SBF1: variants seen among roughly 807,000 people sequenced by gnomAD.
SBF1 encodes SET binding factor 1, also known as myotubularin-related protein 5.
A neutral mutation model predicts 215.8 loss-of-function variants in SBF1; 65 were observed. The observed-to-expected ratio is 0.30, with a 90% CI of 0.25 to 0.37. The LOEUF (loss-of-function observed/expected upper bound fraction) is 0.37, where lower values mean the gene tolerates loss of function less well. SBF1 is among the 10% of genes least tolerant of loss of function. The pLI is 1.00. For missense variants in SBF1, 2,634 were observed against 2,667.8 expected (o/e 0.99, Z 0.28); for synonymous variants, 1,410 against 1,122.8 (o/e 1.26, Z -5.11).
chr22:50,455,364 G>A lies in SBF1; in HGVS notation c.4414C>T (p.Leu1472=), dbSNP rs1479719064. The change falls in exon 33 of 41, where the codon CTG becomes TTG. Residue 1472 remains leucine, a synonymous_variant. Coordinates refer to ENST00000380817, the MANE Select transcript of SBF1 (RefSeq NM_002972.4). ...QLLSDPFYRT[L]EGFRLLVEKE... is the part of the protein sequence containing the mutation. ...TCCACCAGCAGGCGAAAGCCCTCCA[G>A]CGTGCGGTAGAAGGGGTCTGAGAGC... The A allele has an allele frequency of 3.1e-6, 5 of 1,613,442 alleles. No individual in the cohort carries two copies. The highest frequency in any genetic ancestry group is 4.2e-6 in the Non-Finnish European group (5 of 1,179,912).
intron 38 of SBF1, 91 bp from the exon 39 acceptor site, chr22:50,447,700 C>T: frequency 1.1e-6 from 1 of 949,664 alleles, no homozygotes; most frequent in Non-Finnish European, 1.6e-6. Flanking sequence ...CTGTCCCAGC[C>T]CAGGAGGTAA....
chr22:50,458,627 C>T (rs952007575), intron 28 of SBF1, among the ~76,000 whole-genome samples: 2 of 152,228 alleles, frequency 1.3e-5, no homozygotes, highest in African/African-American at 2.4e-5. Context: ...ACAGGTGGTC[C>T]GGACACAGGA....
rs1404048144 is a variant in SBF1, at chr22:50,462,115, C to T, written c.2401G>A (p.Ala801Thr). Residue 801 changes from alanine to threonine, a missense_variant, in exon 20 of 41, where the codon GCT becomes ACT. Coordinates refer to ENST00000380817, the MANE Select transcript of SBF1 (RefSeq NM_002972.4). ...ASNSLVTNSM[A>T]GSVAESYDTE... Reference sequence around the variant, plus strand: ...TCATAGCTCTCGGCCACACTGCCAGCCATGCTGGGCCAGAGAAGAAACTGT... The same window carrying T: ...TCATAGCTCTCGGCCACACTGCCAGTCATGCTGGGCCAGAGAAGAAACTGT... 6 of 1,613,044 alleles carry T rather than the reference C, an allele frequency of 3.7e-6. No individual in the cohort carries two copies. The highest frequency in any genetic ancestry group is 5.1e-6 in the Non-Finnish European group (6 of 1,180,034).
chr22:50,449,625 AACACACAC>A (rs59541336), intron 36 of SBF1, among the ~76,000 whole-genome samples: 113 of 146,960 alleles, frequency 7.7e-4, no homozygotes, highest in African/African-American at 2.4e-3. Context: ...AAAACACACA[AACACACAC>A]ACACACACAC....
At chr22:50,470,226 G>C (rs1396682366) in intron 1 of SBF1, among the ~76,000 whole-genome samples, 1 of 151,316 alleles carries the variant, frequency 6.6e-6, no homozygotes, top group Non-Finnish European at 1.5e-5. Flanking sequence ...CCCAGTTCTT[G>C]CCACGAGGCA....
intron 36 of SBF1, among the ~76,000 whole-genome samples, chr22:50,451,402 A>G (rs2067042310): frequency 6.6e-6 from 1 of 152,118 alleles, no homozygotes; most frequent in African/African-American, 2.4e-5. Context: ...CAAGAAAGAA[A>G]AGAGTAGTGA....
In SBF1 at chr22:50,464,666, G is replaced by T; in HGVS notation, c.1504C>A (p.Pro502Thr). 1 of 1,607,778 alleles carries T rather than the reference G, an allele frequency of 6.2e-7. No homozygotes were observed. ...PGESSHLRRV[P>T]RPFPRLDEGT... ...TCATCCAGCCGGGGGAAGGGTCGGGGCACCCGTCGCAGGTGGCTGCTCTCA... is the reference window on the plus strand; with the variant it reads ...TCATCCAGCCGGGGGAAGGGTCGGGTCACCCGTCGCAGGTGGCTGCTCTCA... The change falls in exon 14 of 41, where the codon CCC (proline) becomes ACC (threonine). Residue 502 changes from proline (P) to threonine (T), a missense_variant. Coordinates refer to ENST00000380817, the MANE Select transcript of SBF1 (RefSeq NM_002972.4).
intron 1 of SBF1, among the ~76,000 whole-genome samples, chr22:50,469,947 C>A (rs886929885): frequency 6.6e-6 from 1 of 152,148 alleles, no homozygotes; most frequent in African/African-American, 2.4e-5. Flanking sequence ...GATGGTGGGG[C>A]GGTGAGGGGC....
At chr22:50,454,417 G>A (rs1231726031) in intron 36 of SBF1, 95 bp downstream of exon 36, 49 of 1,088,234 alleles carry the variant, frequency 4.5e-5, no homozygotes, top group Non-Finnish European at 6.6e-5. Flanking sequence ...CCGGACTTAC[G>A]TGCATGTACG....
chr22:50,456,784 T>A lies in SBF1; in HGVS notation c.3905-111A>T. On this transcript the variant is annotated intron_variant, in intron 29 of 40. Transcript: ENST00000380817. ...GGCTGAGCTCCCAGGGCAGGGGTGGTTGGCAGGACCCCAGCAGGGCCGTGC... is the reference window on the plus strand; with the variant it reads ...GGCTGAGCTCCCAGGGCAGGGGTGGATGGCAGGACCCCAGCAGGGCCGTGC... 3 of 983,814 alleles carry A rather than the reference T, an allele frequency of 3.0e-6. 1 individual carries two copies. In the South Asian group the frequency reaches 5.4e-5, roughly 18 times the overall value. The allele number at this position is 983,814 out of a possible 1,614,324, so 60.9% of individuals were successfully genotyped here. A position where few individuals can be genotyped will look rare whatever the true frequency, so the allele number is the denominator to read the frequency against.
At position 50,455,469 on chromosome 22, in the gene SBF1, C is replaced by G; in HGVS notation, c.4368+12G>C. The G allele has an allele frequency of 1.2e-6, 2 of 1,611,870 alleles. No individual in the cohort carries two copies. Among genetic ancestry groups the G allele is most frequent in the Non-Finnish European group, 1.7e-6 (2 of 1,179,172 alleles). ...GGGAGCCTGGCCCACCCCAGCCCCA[C>G]GCGCCACACACCTGGGTGGTGATGT... On this transcript the variant is annotated intron_variant, in intron 32 of 40. Coordinates refer to ENST00000380817, the MANE Select transcript of SBF1 (RefSeq NM_002972.4).
In SBF1 at chr22:50,459,502, CCGA is replaced by C. The variant is rs1569511466; in HGVS notation, c.3653_3655del (p.Val1218del). 6.2e-7 allele frequency: 1 copy of C among 1,609,962 alleles called. No homozygotes were observed. Among genetic ancestry groups the C allele is most frequent in the Non-Finnish European group, 8.5e-7 (1 of 1,179,798 alleles). ...AGGTGCGTTCTGGGCCTTGAAGAGGCCGACGACACCTTTGCCATGCAGGCCTCC... is the reference window on the plus strand; with the variant it reads ...AGGTGCGTTCTGGGCCTTGAAGAGGCCGACACCTTTGCCATGCAGGCCTCC... On this transcript the variant is annotated inframe_deletion, in exon 27 of 41. Coordinates refer to ENST00000380817, the MANE Select transcript of SBF1 (RefSeq NM_002972.4).
chr22:50,459,868 G>A, intron 26 of SBF1, 84 bp downstream of exon 26: 3 of 1,501,242 alleles, frequency 2.0e-6, no homozygotes, highest in East Asian at 4.5e-5. Flanking sequence ...TACATGACCA[G>A]AAGCCGTGGC....
Position 50,465,203 on chromosome 22 carries a change from C to G in SBF1, c.1203+12G>C, listed in dbSNP as rs2067695853. 6.2e-7 allele frequency: 1 copy of G among 1,612,660 alleles called. No homozygotes were observed. The highest frequency in any genetic ancestry group is 8.5e-7 in the Non-Finnish European group (1 of 1,179,338). On this transcript the variant is annotated intron_variant, in intron 11 of 40. Coordinates refer to ENST00000380817, the MANE Select transcript of SBF1 (RefSeq NM_002972.4). Reference sequence around the variant, plus strand: ...TATCTCCTACCCCACGCCCAGCCACCAGGCACCCCACCTTATGGAAGCGGA... The same window carrying G: ...TATCTCCTACCCCACGCCCAGCCACGAGGCACCCCACCTTATGGAAGCGGA...
chr22:50,465,696 C>A, intron 10 of SBF1, 67 bp downstream of exon 10: 1 of 1,434,268 alleles, frequency 7.0e-7, no homozygotes, highest in African/African-American at 1.4e-5. Flanking sequence ...GTGTCAGTGG[C>A]AGCAGACCTG....
rs1387540259 is a variant in SBF1 at position 50,465,115 on chromosome 22, G to A, written c.1218C>T (p.Gly406=). ...AATCGTCCTCTACCAGCCCACGCTG[G>A]CCCAGGAAGGCTGCCTGGATGACAG... is the stretch of plus-strand genomic sequence containing the variant. ...VIRFHKAAFL[G]QRGLVEDDFL... Residue 406 remains glycine, a synonymous_variant, in exon 12 of 41, where the codon GGC becomes GGT. Coordinates refer to ENST00000380817, the MANE Select transcript of SBF1 (RefSeq NM_002972.4). 6.2e-7 allele frequency: 1 copy of A among 1,614,036 alleles called. No individual in the cohort carries two copies. The highest frequency in any genetic ancestry group is 1.7e-5 in the Admixed American group (1 of 60,006).
chr22:50,474,023 T>C (rs2068085262), intron 1 of SBF1, among the ~76,000 whole-genome samples: 1 of 152,200 alleles, frequency 6.6e-6, no homozygotes, highest in Non-Finnish European at 1.5e-5. Flanking sequence ...AGGCTGTTGC[T>C]GATGTCATCG....
At chr22:50,457,587 C>A (rs2067306117) in intron 28 of SBF1, among the ~76,000 whole-genome samples, 1 of 152,352 alleles carries the variant, frequency 6.6e-6, no homozygotes, top group African/African-American at 2.4e-5. Flanking sequence ...CTGGAGGCTT[C>A]CCGAAGAGGG....
Position 50,460,166 on chromosome 22 carries a change from A to G in SBF1, c.3284-7T>C. ...GGCTCCAGCTCCTCCGACACTGCAC[A>G]GGCCGGGCACACGTGGTCATCACGG... On this transcript the variant is annotated splice_polypyrimidine_tract_variant and splice_region_variant and intron_variant, in intron 25 of 40. Coordinates refer to ENST00000380817, the MANE Select transcript of SBF1 (RefSeq NM_002972.4). 6.2e-7 allele frequency: 1 copy of G among 1,610,506 alleles called. No individual in the cohort carries two copies. The highest frequency in any genetic ancestry group is 8.5e-7 in the Non-Finnish European group (1 of 1,179,818).
Sources: gnomAD v4.1 joint callset for allele counts (sites outside exome capture counted in the v4.1 genomes callset) on GRCh38, gnomAD v4.1.1 for gene constraint, MANE v1.5 for transcripts, NCBI Gene and HGNC (gene_info 2026-07-23, HGNC 2026-07-21) for gene names.